Variants in YY1 observed in about 807,000 individuals in gnomAD.
The protein encoded by YY1 is YY1 transcription factor.
A neutral mutation model predicts 35.6 loss-of-function variants in YY1; 2 were observed. The ratio of observed to expected loss-of-function variants is 0.06; its 90% CI spans 0.02 to 0.18. YY1 has a LOEUF of 0.18. YY1 is among the 10% of genes least tolerant of loss of function. YY1 has a pLI of 1.00. For synonymous variants in YY1, 268 were observed against 238.9 expected (o/e 1.12, Z -1.12); for missense variants, 322 against 573.4 (o/e 0.56, Z 4.48).
chr14:100,248,854 A>AT (rs1309447691), intron 1 of YY1, among the ~76,000 whole-genome samples: 1 of 150,402 alleles, frequency 6.6e-6, no homozygotes, highest in African/African-American at 2.4e-5. Context: ...TACCTGGCTA[A>AT]TTTTTTTGTA....
At position 100,276,719 on chromosome 14, in the gene YY1, G is replaced by A; in HGVS notation, c.1062+71G>A. 6.2e-7 allele frequency: 1 copy of A among 1,609,126 alleles called. No individual in the cohort carries two copies. The highest frequency in any genetic ancestry group is 8.5e-7 in the Non-Finnish European group (1 of 1,177,958). On this transcript the variant is annotated intron_variant, in intron 4 of 4. Transcript: ENST00000262238. The surrounding 1 kb of genome is among the most constrained non-coding windows in gnomAD (Gnocchi z 4.1). ...ACACTGCAAGTGTAGGTGGTGTGGT[G>A]ATGAGGCAGGAGGCGCCAGCCCAGA... is the stretch of plus-strand genomic sequence containing the variant.
Position 100,248,679 on chromosome 14 carries a change from CTTTT to C in YY1, c.679+8776_679+8779del, listed in dbSNP as rs11415073. Among the ~76,000 whole-genome samples the C allele has an allele frequency of 1.0e-4, 11 of 105,006 alleles. No individual in the cohort carries two copies. The South Asian group carries it at 1.6e-3, about 15-fold the overall frequency. 68.9% of individuals were successfully genotyped at this position (105,006 alleles called of 152,430 possible). The stretch of plus-strand genomic sequence containing the variant: ...CATTCCACCCAGCTTGAGTAAAATT[CTTTT>C]TTTTTTTTTTTTTTTTTTTATTGAA... On this transcript the variant is annotated intron_variant, in intron 1 of 4. Transcript: ENST00000262238.
In YY1 at chr14:100,239,655, G is replaced by C. The variant is rs1310592536; in HGVS notation, c.411G>C (p.Ala137=). 3.1e-6 allele frequency: 5 copies of C among 1,610,030 alleles called. No homozygotes were observed. The highest frequency in any genetic ancestry group is 4.2e-6 in the Non-Finnish European group (5 of 1,179,558). ...ATCAGATTCTCATCCCGGTGCCCGC[G>C]CCGGCCGGCGGCGACGACGACTACA... is the stretch of plus-strand genomic sequence containing the variant. ...FEDQILIPVP[A]PAGGDDDYIE... The change falls in exon 1 of 5, where the codon GCG becomes GCC. Residue 137 remains alanine (A), a synonymous_variant. Coordinates refer to ENST00000262238, the MANE Select transcript of YY1 (RefSeq NM_003403.5).
In YY1 at chr14:100,257,143, C is replaced by T. The variant is rs189273969; in HGVS notation, c.680-5161C>T. Among the ~76,000 whole-genome samples, 3 of 152,268 alleles carry T rather than the reference C, an allele frequency of 2.0e-5. No homozygotes were observed. The East Asian group carries it at 5.8e-4, about 29-fold the overall frequency. On this transcript the variant is annotated intron_variant, in intron 1 of 4. Coordinates refer to ENST00000262238, the MANE Select transcript of YY1 (RefSeq NM_003403.5). ...CTCCCTACCTGTGGATATACCTCTT[C>T]AGTCTCCTTTGCAAAGTATTCCTCA...
At chr14:100,262,174 A>AG (rs1184698234) in intron 1 of YY1, 130 bp from the exon 2 acceptor site, 3 of 894,936 alleles carry the variant, frequency 3.4e-6, no homozygotes, top group Non-Finnish European at 5.1e-6. Context: ...AAAAAAAAAA[A>AG]GGGAGAGGGG....
rs541894123 is a variant in YY1, at chr14:100,271,012, A to G, written c.843-3686A>G. Among the ~76,000 whole-genome samples, 19 of 152,144 alleles carry G rather than the reference A, an allele frequency of 1.2e-4. No individual in the cohort carries two copies. In the East Asian group the frequency reaches 3.3e-3, roughly 26 times the overall value. On this transcript the variant is annotated intron_variant, in intron 2 of 4. Transcript: ENST00000262238. The stretch of plus-strand genomic sequence containing the variant: ...TGTAATCCCCGCACTTTGGGAGGCC[A>G]AGGCAGGCGGATCACGAGGTCAGGA...
At chr14:100,266,299 G>A (rs148728766) in intron 2 of YY1, among the ~76,000 whole-genome samples, 1 of 152,120 alleles carries the variant, frequency 6.6e-6, no homozygotes, top group Non-Finnish European at 1.5e-5. Context: ...GCATCATTCA[G>A]ACAAATAGAA....
chr14:100,268,769 C>T (rs546522101), intron 2 of YY1, among the ~76,000 whole-genome samples: 8 of 152,198 alleles, frequency 5.3e-5, no homozygotes, highest in African/African-American at 1.9e-4. Context: ...CCGTATTACG[C>T]AGGAACTTCT....
intron 1 of YY1, among the ~76,000 whole-genome samples, chr14:100,253,309 C>G (rs1054779682): frequency 6.6e-6 from 1 of 152,190 alleles, no homozygotes; most frequent in Non-Finnish European, 1.5e-5. Context: ...ATTTGACATT[C>G]AAAGTGGATC....
chr14:100,240,372 C>A (rs1399730874), intron 1 of YY1, among the ~76,000 whole-genome samples: 1 of 149,030 alleles, frequency 6.7e-6, no homozygotes, highest in Non-Finnish European at 1.5e-5. Context: ...GGGATTGCTG[C>A]CTCCGGGACG....
intron 1 of YY1, among the ~76,000 whole-genome samples, chr14:100,257,852 A>G (rs1419233697): frequency 6.6e-6 from 1 of 152,206 alleles, no homozygotes; most frequent in Non-Finnish European, 1.5e-5. Context: ...ATCATTCTGT[A>G]TCAGAAATAT....
intron 1 of YY1, among the ~76,000 whole-genome samples, chr14:100,244,686 G>A (rs969665163): frequency 8.1e-5 from 12 of 148,684 alleles, no homozygotes; most frequent in Admixed American, 6.1e-4. Context: ...GGGCTGAAGC[G>A]ATCCTCCCAC....
chr14:100,271,031 G>T (rs1891230520), intron 2 of YY1, among the ~76,000 whole-genome samples: 1 of 151,772 alleles, frequency 6.6e-6, no homozygotes, highest in African/African-American at 2.4e-5. Flanking sequence ...GGATCACGAG[G>T]TCAGGAGATC....
chr14:100,256,141 C>CAA (rs556723844), intron 1 of YY1, among the ~76,000 whole-genome samples: 5 of 132,042 alleles, frequency 3.8e-5, no homozygotes, highest in African/African-American at 2.8e-5. Context: ...GACCCTGTCA[C>CAA]AAAAAAAAAA....
chr14:100,270,194 C>T (rs1891215079), intron 2 of YY1, among the ~76,000 whole-genome samples: 1 of 126,206 alleles, frequency 7.9e-6, no homozygotes, highest in Middle Eastern at 6.1e-3. Flanking sequence ...ACCTGGGAGG[C>T]GGAGCTTGCA....
At chr14:100,245,667 C>T (rs980073737) in intron 1 of YY1, among the ~76,000 whole-genome samples, 4 of 151,724 alleles carry the variant, frequency 2.6e-5, no homozygotes, top group African/African-American at 7.3e-5. Flanking sequence ...AGTGCAGTGG[C>T]GCGATCTCGG....
At chr14:100,272,451 A>G (rs61992952) in intron 2 of YY1, among the ~76,000 whole-genome samples, 5,248 of 152,282 alleles carry the variant, frequency 0.034, 133 homozygotes, top group Non-Finnish European at 0.051. Context: ...AGTTTAACCA[A>G]TGATTTCATG....
At chr14:100,272,926 A>C (rs1176497135) in intron 2 of YY1, among the ~76,000 whole-genome samples, 1 of 149,866 alleles carries the variant, frequency 6.7e-6, no homozygotes, top group African/African-American at 2.4e-5. Context: ...CTTCACTCAG[A>C]GTAGTGGCCC....
rs1353341261 is a variant in YY1, at chr14:100,279,622, G to T, written c.*2022G>T. ...CATGGTGGAGGTCTTCAGTGCCGAG[G>T]GCTCGGATGAGAACGTGTAGTTCTT... On this transcript the variant is annotated 3_prime_UTR_variant, in exon 5 of 5. Coordinates refer to ENST00000262238, the MANE Select transcript of YY1 (RefSeq NM_003403.5). The T allele has an allele frequency of 6.6e-6, 1 of 152,242 alleles. No individual in the cohort carries two copies. The highest frequency in any genetic ancestry group is 2.4e-5 in the African/African-American group (1 of 41,454). The allele number at this position is 152,242 out of a possible 1,614,324, so 9.4% of individuals were successfully genotyped here. A position where few individuals can be genotyped will look rare whatever the true frequency, so the allele number is the denominator to read the frequency against.
Sources: gnomAD v4.1 joint callset for allele counts (sites outside exome capture counted in the v4.1 genomes callset) on GRCh38, gnomAD v4.1.1 for gene constraint, Gnocchi (gnomAD v3.1) non-coding constraint, MANE v1.5 for transcripts, NCBI Gene and HGNC (gene_info 2026-07-23, HGNC 2026-07-21) for gene names.